HERPUD1: variants seen among roughly 807,000 people sequenced by gnomAD.
The protein encoded by HERPUD1 is homocysteine inducible ER protein with ubiquitin like domain 1.
A neutral mutation model predicts 45.0 loss-of-function variants in HERPUD1; 17 were observed. That is an observed-to-expected ratio of 0.38 (90% CI 0.26 to 0.57). The LOEUF (loss-of-function observed/expected upper bound fraction) is 0.57. Ranked by LOEUF, HERPUD1 falls within the 20% of genes least tolerant of loss-of-function variation. The probability of loss-of-function intolerance (pLI) is 0.72; values close to 1 mark genes in which losing one functional copy is unlikely to be tolerated. For synonymous variants in HERPUD1, 164 were observed against 177.5 expected (o/e 0.92, Z 0.61); for missense variants, 420 against 490.5 (o/e 0.86, Z 1.36).
In HERPUD1 at chr16:56,943,330, T is replaced by G; in HGVS notation, c.*40T>G. 6.2e-7 allele frequency: 1 copy of G among 1,611,584 alleles called. No homozygotes were observed. The highest frequency in any genetic ancestry group is 8.5e-7 in the Non-Finnish European group (1 of 1,177,776). On this transcript the variant is annotated 3_prime_UTR_variant, in exon 8 of 8. Transcript: ENST00000439977. ...TAGCTGTTGGAGGCTTTGACAGGAATGGACTGGATCACCTGACTCCAGCTA... is the reference window on the plus strand; with the variant it reads ...TAGCTGTTGGAGGCTTTGACAGGAAGGGACTGGATCACCTGACTCCAGCTA...
chr16:56,932,873 C>G (rs370617793), intron 1 of HERPUD1, among the ~76,000 whole-genome samples: 2 of 152,180 alleles, frequency 1.3e-5, no homozygotes, highest in Admixed American at 6.5e-5. Flanking sequence ...CCTCCCTGGC[C>G]ACCTTCCGCC....
chr16:56,935,210 TG>T, intron 1 of HERPUD1, 24 bp from the exon 2 acceptor site: 1 of 1,557,564 alleles, frequency 6.4e-7, no homozygotes, highest in Non-Finnish European at 8.9e-7. Flanking sequence ...TGCTGACCTG[TG>T]TTACTCTTTC....
chr16:56,941,944 C>G, intron 6 of HERPUD1, 188 bp from the exon 7 acceptor site: 1 of 548,552 alleles, frequency 1.8e-6, no homozygotes, highest in South Asian at 2.3e-5. Context: ...AAACACAGTC[C>G]CTGCCTTCAA....
At chr16:56,935,588 G>C in intron 3 of HERPUD1, 113 bp downstream of exon 3, 1 of 851,118 alleles carries the variant, frequency 1.2e-6, no homozygotes, top group Non-Finnish European at 1.9e-6. Flanking sequence ...TTATTACCAA[G>C]TAATATTTTG....
In HERPUD1 at chr16:56,940,143, C is replaced by G; in HGVS notation, c.803C>G (p.Thr268Ser). The part of the protein sequence containing the change: ...DEINRDWLDW[T>S]YSAATFSVFL... Reference sequence around the variant, plus strand: ...ATAAATCGAGATTGGTTGGATTGGACCTATTCAGCAGCTACATTTTCTGTT... The same window carrying G: ...ATAAATCGAGATTGGTTGGATTGGAGCTATTCAGCAGCTACATTTTCTGTT... The change falls in exon 6 of 8, where the codon ACC becomes AGC. Residue 268 changes from threonine (T) to serine (S), a missense_variant. Physicochemically the swap from Thr to Ser is moderately conservative, Grantham distance 58 (BLOSUM62 1). Coordinates refer to ENST00000439977, the MANE Select transcript of HERPUD1 (RefSeq NM_014685.4). The G allele has an allele frequency of 6.2e-7, 1 of 1,614,144 alleles. No homozygotes were observed. The highest frequency in any genetic ancestry group is 8.5e-7 in the Non-Finnish European group (1 of 1,179,994).
At chr16:56,935,662 T>A (rs2055861252) in intron 3 of HERPUD1, 187 bp downstream of exon 3, 1 of 604,256 alleles carries the variant, frequency 1.7e-6, no homozygotes, top group Non-Finnish European at 2.9e-6. Flanking sequence ...AGTAGCAGAT[T>A]GTTCCGTTAG....
At chr16:56,940,492 A>T in intron 6 of HERPUD1, 1 of 408,966 alleles carries the variant, frequency 2.4e-6, no homozygotes, top group Non-Finnish European at 4.4e-6. Flanking sequence ...TTTCTAGTAG[A>T]GACGGGGTTT....
At chr16:56,935,211 G>A (rs752250131) in intron 1 of HERPUD1, 24 bp from the exon 2 acceptor site, 46 of 1,570,520 alleles carry the variant, frequency 2.9e-5, no homozygotes, top group Non-Finnish European at 3.9e-5. Context: ...GCTGACCTGT[G>A]TTACTCTTTC....
Position 56,932,178 on chromosome 16 carries a change from G to A in HERPUD1, c.-67G>A, listed in dbSNP as rs1450175473. The A allele has an allele frequency of 6.4e-7, 1 of 1,572,638 alleles. No homozygotes were observed. Among genetic ancestry groups the A allele is most frequent in the South Asian group, 1.1e-5 (1 of 87,752 alleles). On this transcript the variant is annotated 5_prime_UTR_variant, in exon 1 of 8. Coordinates refer to ENST00000439977, the MANE Select transcript of HERPUD1 (RefSeq NM_014685.4). ...GTGAACTGTCGTTGCAGAGATTGCGGGCGGCTGAGACGCCGCCTGCCTGGC... is the reference window on the plus strand; with the variant it reads ...GTGAACTGTCGTTGCAGAGATTGCGAGCGGCTGAGACGCCGCCTGCCTGGC...
At chr16:56,941,098 C>T (rs1233380640) in intron 6 of HERPUD1, 1 of 152,156 alleles carries the variant, frequency 6.6e-6, no homozygotes, top group Non-Finnish European at 1.5e-5. Context: ...GCTACCTTAC[C>T]TTCCAGGCTC....
At chr16:56,939,718 T>C (rs1420613956) in intron 5 of HERPUD1, among the ~76,000 whole-genome samples, 177 bp from the exon 6 acceptor site, 1 of 152,228 alleles carries the variant, frequency 6.6e-6, no homozygotes, top group Non-Finnish European at 1.5e-5. Flanking sequence ...TGGCTTTTCT[T>C]AGAAAAGGCA....
Position 56,933,240 on chromosome 16 carries a change from T to C in HERPUD1, c.147+849T>C, listed in dbSNP as rs2055840795. ...GAGAGGGCATCCGGGCAGGAAAAGA[T>C]AGTGAAGTCGTGAGTTCCAGCTTGT... On this transcript the variant is annotated intron_variant, in intron 1 of 7. Coordinates refer to ENST00000439977, the MANE Select transcript of HERPUD1 (RefSeq NM_014685.4). The C allele has an allele frequency of 1.0e-4, 46 of 455,842 alleles. 1 individual carries two copies. The highest frequency in any genetic ancestry group is 7.0e-4 in the South Asian group (45 of 64,550). 28.2% of individuals were successfully genotyped at this position (455,842 alleles called of 1,614,324 possible).
rs765716873 is a variant in HERPUD1, at chr16:56,943,372, C to T, written c.*82C>T. 103 of 1,458,984 alleles carry T rather than the reference C, an allele frequency of 7.1e-5. No homozygotes were observed. The African/African-American group carries it at 1.1e-3, about 16-fold the overall frequency. 90.4% of individuals were successfully genotyped at this position (1,458,984 alleles called of 1,614,324 possible). ...CTCCAGCTAGATTGCCTCTCCTGGA[C>T]ATGGCAATGATGAGTTTTTAAAAAA... On this transcript the variant is annotated 3_prime_UTR_variant, in exon 8 of 8. Transcript: ENST00000439977.
intron 7 of HERPUD1, 37 bp downstream of exon 7, chr16:56,942,274 G>A (rs375957221): frequency 2.3e-4 from 316 of 1,386,854 alleles, no homozygotes; most frequent in Non-Finnish European, 3.1e-4. Flanking sequence ...CGAGCTTGAC[G>A]TGATATGCCA....
rs538407649 is a variant in HERPUD1, at chr16:56,939,766, T to C, written c.555-129T>C. ...GTTAGTAAGGAAGTTCTTCACTAAA[T>C]TGAAGAAAAATCAAAGGCATATCTA... On this transcript the variant is annotated intron_variant, in intron 5 of 7. Coordinates refer to ENST00000439977, the MANE Select transcript of HERPUD1 (RefSeq NM_014685.4). 43 of 687,570 alleles carry C rather than the reference T, an allele frequency of 6.3e-5. 2 individuals are homozygous for C. The highest frequency in any genetic ancestry group is 4.1e-4 in the Middle Eastern group (1 of 2,420). 42.6% of individuals were successfully genotyped at this position (687,570 alleles called of 1,614,324 possible).
chr16:56,942,383 A>G, intron 7 of HERPUD1, 146 bp downstream of exon 7: 1 of 606,458 alleles, frequency 1.6e-6, no homozygotes, highest in Non-Finnish European at 2.9e-6. Flanking sequence ...TTAGAGCAGC[A>G]GCTATTTTTA....
chr16:56,937,567 C>T (rs2055876052), intron 4 of HERPUD1, among the ~76,000 whole-genome samples: 1 of 151,902 alleles, frequency 6.6e-6, no homozygotes, highest in African/African-American at 2.4e-5. Flanking sequence ...TCACCCAGGC[C>T]TAATAAATAA....
intron 7 of HERPUD1, 36 bp downstream of exon 7, chr16:56,942,273 C>T (rs371349868): frequency 6.7e-5 from 93 of 1,389,010 alleles, no homozygotes; most frequent in African/African-American, 8.7e-5. Context: ...GCGAGCTTGA[C>T]GTGATATGCC....
In HERPUD1 at chr16:56,932,212, G is replaced by A; in HGVS notation, c.-33G>A. ...GACGCCGCCTGCCTGGCACCTAGGA[G>A]CGCAGCGGAGCCCCGACACCGCCGC... On this transcript the variant is annotated 5_prime_UTR_variant, in exon 1 of 8. Coordinates refer to ENST00000439977, the MANE Select transcript of HERPUD1 (RefSeq NM_014685.4). 1.3e-6 allele frequency: 2 copies of A among 1,599,502 alleles called. No individual in the cohort carries two copies. Among genetic ancestry groups the A allele is most frequent in the Non-Finnish European group, 1.7e-6 (2 of 1,177,496 alleles).
Sources: allele counts gnomAD v4.1 joint callset (sites outside exome capture counted in the v4.1 genomes callset), GRCh38; gene constraint gnomAD v4.1.1; transcripts MANE v1.5; gene names NCBI Gene and HGNC (gene_info 2026-07-23, HGNC 2026-07-21).